SLC44A5: variants seen among roughly 807,000 people sequenced by gnomAD.
SLC44A5 encodes the protein choline transporter-like protein 5.
In SLC44A5, 57 loss-of-function variants were observed where a neutral mutation model predicts 101.8. The observed-to-expected ratio is 0.56, with a 90% CI of 0.45 to 0.70. SLC44A5 has a LOEUF of 0.70. SLC44A5 is among the 30% of genes least tolerant of loss of function. The pLI is 0.00. For synonymous variants in SLC44A5, 281 were observed against 290.9 expected (o/e 0.97, Z 0.35); for missense variants, 737 against 853.1 (o/e 0.86, Z 1.70).
intron 5 of SLC44A5, among the ~76,000 whole-genome samples, chr1:75,290,323 G>A (rs1469427959): frequency 6.6e-6 from 1 of 152,192 alleles, no homozygotes; most frequent in Non-Finnish European, 1.5e-5. Context: ...GCAGAAGACA[G>A]ATGTTAAACT....
intron 2 of SLC44A5, among the ~76,000 whole-genome samples, chr1:75,441,905 T>C (rs1665227136): frequency 6.6e-6 from 1 of 152,176 alleles, no homozygotes; most frequent in African/African-American, 2.4e-5. Context: ...ATAAGTGATT[T>C]GAACAACTCA....
At chr1:75,221,023 T>G (rs899182102) in intron 14 of SLC44A5, among the ~76,000 whole-genome samples, 1 of 152,066 alleles carries the variant, frequency 6.6e-6, no homozygotes, top group African/African-American at 2.4e-5. Context: ...CATTTAGAAG[T>G]GAAACAAGTA....
intron 5 of SLC44A5, among the ~76,000 whole-genome samples, chr1:75,293,164 T>C (rs1048980138): frequency 6.6e-6 from 1 of 152,248 alleles, no homozygotes. Flanking sequence ...TGGCAAGAGA[T>C]GGTGAAAAAT....
intron 3 of SLC44A5, among the ~76,000 whole-genome samples, chr1:75,384,049 G>T (rs1407556210): frequency 2.0e-5 from 3 of 151,338 alleles, no homozygotes; most frequent in African/African-American, 2.4e-5. Flanking sequence ...AAGAGCTCCT[G>T]AAGGAAGCAC....
the SLC44A5 span, among the ~76,000 whole-genome samples, chr1:75,695,733 TA>T: frequency 6.7e-6 from 1 of 148,302 alleles, no homozygotes; most frequent in Admixed American, 6.8e-5. Flanking sequence ...TATATGTATA[TA>T]AAATATATAT....
upstream of SLC44A5, among the ~76,000 whole-genome samples, chr1:75,614,383 A>G (rs2102193721): frequency 6.6e-6 from 1 of 152,364 alleles, no homozygotes; most frequent in South Asian, 2.1e-4. Context: ...AAATTGTCAT[A>G]CATAGGTTAT....
At chr1:75,452,148 G>A (rs989914788) in intron 2 of SLC44A5, among the ~76,000 whole-genome samples, 1 of 152,082 alleles carries the variant, frequency 6.6e-6, no homozygotes, top group African/African-American at 2.4e-5. Context: ...GGCAGCTAGA[G>A]AAAAAGGTCA....
chr1:75,657,306 T>C, the SLC44A5 span, among the ~76,000 whole-genome samples: 1 of 151,998 alleles, frequency 6.6e-6, no homozygotes, highest in Non-Finnish European at 1.5e-5. Flanking sequence ...ACCAGCACTT[T>C]TGGAGATGAA....
intron 5 of SLC44A5, among the ~76,000 whole-genome samples, chr1:75,293,368 C>G (rs895289506): frequency 6.6e-6 from 1 of 152,100 alleles, no homozygotes; most frequent in Admixed American, 6.6e-5. Context: ...GTGATTAGAC[C>G]AACTGCTTGC....
chr1:75,247,917 G>GA (rs1206565420), intron 7 of SLC44A5, among the ~76,000 whole-genome samples: 1 of 151,356 alleles, frequency 6.6e-6, no homozygotes, highest in East Asian at 1.9e-4. Context: ...GAGGAGTTTT[G>GA]AAAAAAAATA....
chr1:75,417,851 G>C (rs1331827649), intron 2 of SLC44A5, among the ~76,000 whole-genome samples: 1 of 152,214 alleles, frequency 6.6e-6, no homozygotes, highest in East Asian at 1.9e-4. Context: ...ACCAACAAAG[G>C]AGACTAAGAG....
the SLC44A5 span, among the ~76,000 whole-genome samples, chr1:75,626,058 T>C: frequency 6.6e-6 from 1 of 152,170 alleles, no homozygotes; most frequent in Non-Finnish European, 1.5e-5. Context: ...ACATGCCTAC[T>C]GTGGAGAACA....
intron 2 of SLC44A5, among the ~76,000 whole-genome samples, chr1:75,538,423 C>T (rs1250261604): frequency 6.6e-6 from 1 of 152,126 alleles, no homozygotes; most frequent in Non-Finnish European, 1.5e-5. Context: ...ATTTAGATAG[C>T]TTCTTGTCTC....
At chr1:75,687,291 A>G in the SLC44A5 span, among the ~76,000 whole-genome samples, 9 of 152,010 alleles carry the variant, frequency 5.9e-5, no homozygotes, top group Admixed American at 5.2e-4. Flanking sequence ...GTGCTGAAAA[A>G]TCTTCACCTT....
intron 2 of SLC44A5, among the ~76,000 whole-genome samples, chr1:75,435,154 G>T (rs998313266): frequency 1.3e-5 from 2 of 152,066 alleles, no homozygotes; most frequent in Non-Finnish European, 2.9e-5. Flanking sequence ...CTCTGTTACT[G>T]CCATATTTGG....
chr1:75,402,776 GCAGA>G (rs1388261077), intron 2 of SLC44A5, among the ~76,000 whole-genome samples: 2 of 152,072 alleles, frequency 1.3e-5, no homozygotes, highest in Non-Finnish European at 2.9e-5. Context: ...CGCTGTTTGG[GCAGA>G]CACTCAGCTC....
chr1:75,208,814 T>C (rs1461752591), intron 23 of SLC44A5, among the ~76,000 whole-genome samples: 2 of 152,150 alleles, frequency 1.3e-5, no homozygotes, highest in Non-Finnish European at 2.9e-5. Flanking sequence ...ATTATTTTTT[T>C]CCCACTCTGA....
intron 20 of SLC44A5, 25 bp from the exon 21 acceptor site, chr1:75,214,014 A>G (rs749550346): frequency 2.8e-6 from 4 of 1,428,600 alleles, no homozygotes; most frequent in South Asian, 2.5e-5. Context: ...AAAAGAAAGT[A>G]TAATTCTGTG....
Position 75,219,795 on chromosome 1 carries a change from G to T in SLC44A5, c.1178+5C>A. 6.2e-7 allele frequency: 1 copy of T among 1,602,764 alleles called. No individual in the cohort carries two copies. The highest frequency in any genetic ancestry group is 8.5e-7 in the Non-Finnish European group (1 of 1,171,196). ...GGTTTAAAGAGGCCAATTACCAAAG[G>T]ATACACTGCTGTCACGACCCAGTAG... On this transcript the variant is annotated splice_donor_5th_base_variant and intron_variant, in intron 15 of 23. Transcript: ENST00000370859.
Sources: gnomAD v4.1 joint callset for allele counts (sites outside exome capture counted in the v4.1 genomes callset) on GRCh38, gnomAD v4.1.1 for gene constraint, MANE v1.5 for transcripts, NCBI Gene and HGNC (gene_info 2026-07-23, HGNC 2026-07-21) for gene names.